ATP10B: variants seen among roughly 807,000 people sequenced by gnomAD.
ATP10B encodes phospholipid-transporting ATPase VB.
A neutral mutation model predicts 141.2 loss-of-function variants in ATP10B; 122 were observed. The ratio of observed to expected loss-of-function variants is 0.86; its 90% CI spans 0.75 to 1.00. ATP10B has a LOEUF of 1.00. Ranked by LOEUF, ATP10B falls within the 50% of genes least tolerant of loss-of-function variation. The probability of loss-of-function intolerance (pLI) is 0.00; values close to 1 mark genes in which losing one functional copy is unlikely to be tolerated. For missense variants in ATP10B, 1,876 were observed against 1,825.3 expected (o/e 1.03, Z -0.51); for synonymous variants, 685 against 692.0 (o/e 0.99, Z 0.16).
chr5:160,855,210 A>G (rs1438189699), upstream of ATP10B, among the ~76,000 whole-genome samples: 1 of 152,124 alleles, frequency 6.6e-6, no homozygotes, highest in Non-Finnish European at 1.5e-5. Context: ...AAACTGCGAT[A>G]TTCTTCCAGA....
chr5:160,913,681 A>C, the ATP10B span, among the ~76,000 whole-genome samples: 1 of 152,140 alleles, frequency 6.6e-6, no homozygotes, highest in Non-Finnish European at 1.5e-5. Flanking sequence ...AAAGAACCTC[A>C]GTGTTCTGTC....
At chr5:160,757,911 A>T (rs1768748690) in intron 2 of ATP10B, among the ~76,000 whole-genome samples, 1 of 152,168 alleles carries the variant, frequency 6.6e-6, no homozygotes, top group Non-Finnish European at 1.5e-5. Flanking sequence ...TCTACCCATG[A>T]GATGCCAGTA....
the ATP10B span, among the ~76,000 whole-genome samples, chr5:160,901,081 G>A: frequency 6.6e-6 from 1 of 152,076 alleles, no homozygotes; most frequent in Admixed American, 6.6e-5. Context: ...TCTCAGCTCA[G>A]AATGGGGGAT....
chr5:160,592,274 T>TC (rs1756359745), intron 22 of ATP10B, among the ~76,000 whole-genome samples: 1 of 152,170 alleles, frequency 6.6e-6, no homozygotes, highest in Non-Finnish European at 1.5e-5. Context: ...TAGCTATAAA[T>TC]CCCAAGGGTT....
At chr5:160,861,573 T>C in the ATP10B span, among the ~76,000 whole-genome samples, 2 of 151,956 alleles carry the variant, frequency 1.3e-5, no homozygotes, top group Non-Finnish European at 2.9e-5. Context: ...GGGATTAGTT[T>C]TGATATTCGT....
At position 160,598,982 on chromosome 5, in the gene ATP10B, G is replaced by A. The variant is rs912943192; in HGVS notation, c.3364-12C>T. 3.1e-6 allele frequency: 5 copies of A among 1,613,132 alleles called. No individual in the cohort carries two copies. The highest frequency in any genetic ancestry group is 1.3e-5 in the African/African-American group (1 of 74,928). On this transcript the variant is annotated splice_polypyrimidine_tract_variant and intron_variant, in intron 21 of 25. Coordinates refer to ENST00000327245, the MANE Select transcript of ATP10B (RefSeq NM_025153.3). Reference sequence around the variant, plus strand: ...AGGTTGACGTAGCACTGCAGGCAGAGAGCATGGCCTTGTGAGTGGGGCTCC... The same window carrying A: ...AGGTTGACGTAGCACTGCAGGCAGAAAGCATGGCCTTGTGAGTGGGGCTCC...
At chr5:160,904,988 A>C in the ATP10B span, among the ~76,000 whole-genome samples, 1 of 152,240 alleles carries the variant, frequency 6.6e-6, no homozygotes. Context: ...CTTTAAGGCT[A>C]TTCAATGAGT....
the ATP10B span, among the ~76,000 whole-genome samples, chr5:160,868,175 C>T: frequency 2.6e-5 from 4 of 152,042 alleles, no homozygotes; most frequent in Non-Finnish European, 5.9e-5. Context: ...GCCAGACTAC[C>T]GTCATATATG....
chr5:160,820,382 G>C (rs1318406789), intron 1 of ATP10B, among the ~76,000 whole-genome samples: 1 of 151,860 alleles, frequency 6.6e-6, no homozygotes, highest in African/African-American at 2.4e-5. Context: ...CAAGATTGAA[G>C]CATTAATGCA....
chr5:160,608,548 A>AGT (rs1372680871), intron 18 of ATP10B, among the ~76,000 whole-genome samples: 2 of 152,226 alleles, frequency 1.3e-5, no homozygotes, highest in East Asian at 3.9e-4. Flanking sequence ...GCCCACCGAT[A>AGT]GTGTAAAAGC....
intron 22 of ATP10B, among the ~76,000 whole-genome samples, chr5:160,596,549 T>C (rs371739942): frequency 9.0e-5 from 13 of 143,838 alleles, no homozygotes; most frequent in Admixed American, 2.1e-4. Flanking sequence ...CCAGGGAAAT[T>C]AGGCAGGAGA....
chr5:160,632,078 C>T (rs1343983399), intron 13 of ATP10B, 51 bp downstream of exon 13: 26 of 1,516,432 alleles, frequency 1.7e-5, no homozygotes, highest in African/African-American at 2.8e-5. Flanking sequence ...GAGCACCCTC[C>T]CTCTCTTCCC....
Position 160,820,410 on chromosome 5 carries a change from A to C in ATP10B, c.-576+31531T>G, listed in dbSNP as rs538362710. 7.0e-3 allele frequency among the ~76,000 whole-genome samples: 1,067 copies of C among 152,112 alleles called. 18 individuals are homozygous for C. Among genetic ancestry groups the C allele is most frequent in the African/African-American group, 0.024 (1,006 of 41,526 alleles). ...TTAATGCAAAGTTACCCAGAAAAAA[A>C]CAAAAAAAAGCCTGGGACCTCATGG... On this transcript the variant is annotated intron_variant, in intron 1 of 25. Coordinates refer to ENST00000327245, the MANE Select transcript of ATP10B (RefSeq NM_025153.3).
intron 2 of ATP10B, among the ~76,000 whole-genome samples, chr5:160,732,366 T>C (rs1462437316): frequency 6.6e-6 from 1 of 152,226 alleles, no homozygotes; most frequent in Non-Finnish European, 1.5e-5. Flanking sequence ...AACCATAAAA[T>C]TGTTGCCTTG....
the ATP10B span, among the ~76,000 whole-genome samples, chr5:160,888,449 C>T: frequency 1.2e-4 from 18 of 152,312 alleles, no homozygotes; most frequent in Middle Eastern, 3.4e-3. Context: ...GATGTCTAGG[C>T]GGCTTCTCTA....
intron 24 of ATP10B, among the ~76,000 whole-genome samples, chr5:160,579,431 C>T (rs1369854050): frequency 6.6e-6 from 1 of 152,152 alleles, no homozygotes; most frequent in South Asian, 2.1e-4. Context: ...GGAATCCTTT[C>T]CCCATTGCTT....
At chr5:160,914,481 C>T in the ATP10B span, among the ~76,000 whole-genome samples, 4 of 152,082 alleles carry the variant, frequency 2.6e-5, no homozygotes, top group Non-Finnish European at 4.4e-5. Flanking sequence ...CTGTATAAAT[C>T]GTCTCTAGAT....
rs1353927252 is a variant in ATP10B, at chr5:160,652,810, T to C, written c.676-3554A>G. Among the ~76,000 whole-genome samples the C allele has an allele frequency of 4.2e-5, 4 of 95,900 alleles. 1 individual carries two copies. Among genetic ancestry groups the C allele is most frequent in the African/African-American group, 1.4e-4 (3 of 20,876 alleles). The allele number at this position is 95,900 out of a possible 152,430, so 62.9% of individuals were successfully genotyped here. On this transcript the variant is annotated intron_variant, in intron 7 of 25. Transcript: ENST00000327245. Reference sequence around the variant, plus strand: ...TAAAAATATATAATATATTATATAATATATTATATATTAATTATATATAAT... The same window carrying C: ...TAAAAATATATAATATATTATATAACATATTATATATTAATTATATATAAT...
chr5:160,723,315 G>A (rs148481404), intron 2 of ATP10B, among the ~76,000 whole-genome samples: 2 of 152,294 alleles, frequency 1.3e-5, no homozygotes, highest in East Asian at 3.9e-4. Flanking sequence ...CATTTTGGTG[G>A]AGGAGATATA....
Sources: allele counts gnomAD v4.1 joint callset (sites outside exome capture counted in the v4.1 genomes callset), GRCh38; gene constraint gnomAD v4.1.1; transcripts MANE v1.5; gene names NCBI Gene and HGNC (gene_info 2026-07-23, HGNC 2026-07-21).